The following CTNNA3 variants were observed in gnomAD, a reference collection of about 807,000 sequenced individuals.
CTNNA3 encodes the protein catenin alpha-3.
In CTNNA3, 76 loss-of-function variants were observed where a neutral mutation model predicts 95.7. That is an observed-to-expected ratio of 0.79 (90% CI 0.66 to 0.96). The LOEUF is 0.96. Among genes scored for constraint, CTNNA3 ranks in the 40% least tolerant of loss-of-function variants. CTNNA3 has a pLI of 0.00. For synonymous variants in CTNNA3, 431 were observed against 374.4 expected (o/e 1.15, Z -1.74); for missense variants, 1,191 against 1,089.8 (o/e 1.09, Z -1.31).
chr10:66,040,758 GA>G (rs2133492218), intron 15 of CTNNA3, among the ~76,000 whole-genome samples: 1 of 152,122 alleles, frequency 6.6e-6, no homozygotes, highest in Admixed American at 6.5e-5. Flanking sequence ...TGAGGACCAG[GA>G]AAAATAGTTA....
Position 66,978,552 on chromosome 10 carries a change from A to AAAATATATATATATAT in CTNNA3, c.1047+201764_1047+201765insATATATATATATATTT. Among the ~76,000 whole-genome samples the AAAATATATATATATAT allele has an allele frequency of 4.3e-3, 164 of 37,890 alleles. 3 individuals carry two copies. The highest frequency in any genetic ancestry group is 5.5e-3 in the Non-Finnish European group (113 of 20,636). 24.9% of individuals were successfully genotyped at this position (37,890 alleles called of 152,430 possible). ...AAAAAAAAAAAAAAAAAAAAAAAAA[A>AAAATATATATATATAT]ATATATATATATATATATAGTATGG... is the stretch of plus-strand genomic sequence containing the variant. On this transcript the variant is annotated intron_variant, in intron 7 of 17. Transcript: ENST00000433211.
intron 7 of CTNNA3, among the ~76,000 whole-genome samples, chr10:67,177,377 G>A (rs1415758106): frequency 1.3e-5 from 2 of 152,174 alleles, no homozygotes; most frequent in East Asian, 3.9e-4. Context: ...TTGCGGAACT[G>A]CTCTGGCTGG....
At chr10:66,865,050 A>G (rs1844111498) in intron 7 of CTNNA3, among the ~76,000 whole-genome samples, 1 of 152,142 alleles carries the variant, frequency 6.6e-6, no homozygotes, top group African/African-American at 2.4e-5. Context: ...GAGGGTCCCA[A>G]TTATGCAACT....
At chr10:67,179,494 C>CAAAAAA (rs35292826) in intron 7 of CTNNA3, among the ~76,000 whole-genome samples, 1 of 85,292 alleles carries the variant, frequency 1.2e-5, no homozygotes, top group Non-Finnish European at 2.7e-5. Context: ...GCTAAAACTT[C>CAAAAAA]AAAAAAAAAA....
intron 7 of CTNNA3, among the ~76,000 whole-genome samples, chr10:67,067,187 T>A (rs765547517): frequency 1.3e-5 from 2 of 152,156 alleles, no homozygotes; most frequent in Non-Finnish European, 2.9e-5. Flanking sequence ...TAGCAAACTA[T>A]ATGGAGAAAT....
At chr10:67,027,000 G>T (rs1853431692) in intron 7 of CTNNA3, among the ~76,000 whole-genome samples, 1 of 152,176 alleles carries the variant, frequency 6.6e-6, no homozygotes, top group South Asian at 2.1e-4. Flanking sequence ...AATAAATGAT[G>T]ATAAAACATC....
In CTNNA3 at chr10:67,761,999, C is replaced by T. The variant is rs539203176; in HGVS notation, c.-2+1435G>A. On this transcript the variant is annotated intron_variant, in intron 1 of 17. Transcript: ENST00000684154. Reference sequence around the variant, plus strand: ...ACAATGTTTTATGATATTATTGTCACGAATTAGGAACATATGAATTTTACT... The same window carrying T: ...ACAATGTTTTATGATATTATTGTCATGAATTAGGAACATATGAATTTTACT... Among the ~76,000 whole-genome samples, 9 of 151,942 alleles carry T rather than the reference C, an allele frequency of 5.9e-5. 1 individual carries two copies. The South Asian group carries it at 1.7e-3, about 28-fold the overall frequency.
chr10:66,532,961 C>G (rs1160800967), intron 10 of CTNNA3, among the ~76,000 whole-genome samples: 2 of 151,956 alleles, frequency 1.3e-5, no homozygotes, highest in African/African-American at 4.8e-5. Context: ...CTCCAAGATA[C>G]TATGTCCACT....
chr10:67,400,132 C>A (rs1844865609), intron 5 of CTNNA3, among the ~76,000 whole-genome samples: 1 of 143,514 alleles, frequency 7.0e-6, no homozygotes, highest in African/African-American at 2.6e-5. Context: ...CATGTGTTCT[C>A]ATTGTTCAAT....
At chr10:67,422,093 T>C (rs1845767121) in intron 5 of CTNNA3, among the ~76,000 whole-genome samples, 1 of 151,420 alleles carries the variant, frequency 6.6e-6, no homozygotes, top group Non-Finnish European at 1.5e-5. Flanking sequence ...CCACATTAAA[T>C]GAAACTAAGG....
intron 13 of CTNNA3, among the ~76,000 whole-genome samples, chr10:66,112,195 A>C (rs2082145935): frequency 6.6e-6 from 1 of 152,170 alleles, no homozygotes; most frequent in Non-Finnish European, 1.5e-5. Flanking sequence ...TAGCCACCAG[A>C]GGGAGAAGGC....
chr10:67,373,304 A>G (rs545658854), intron 5 of CTNNA3, among the ~76,000 whole-genome samples: 2 of 152,340 alleles, frequency 1.3e-5, no homozygotes, highest in East Asian at 3.9e-4. Flanking sequence ...GGAAAACAAA[A>G]AAAAGGCAGG....
At chr10:67,542,180 C>G (rs1477042383) in intron 3 of CTNNA3, among the ~76,000 whole-genome samples, 1 of 152,066 alleles carries the variant, frequency 6.6e-6, no homozygotes, top group Admixed American at 6.6e-5. Flanking sequence ...TCCCTAATTT[C>G]CCCAATATTC....
intron 12 of CTNNA3, among the ~76,000 whole-genome samples, chr10:66,296,809 C>T (rs2091786327): frequency 6.6e-6 from 1 of 152,030 alleles, no homozygotes; most frequent in South Asian, 2.1e-4. Context: ...AACACATCCA[C>T]AAGGCTTTGA....
At position 66,615,945 on chromosome 10, in the gene CTNNA3, T is replaced by G. The variant is rs190690665; in HGVS notation, c.1374+5747A>C. Among the ~76,000 whole-genome samples, 274 of 152,156 alleles carry G rather than the reference T, an allele frequency of 1.8e-3. 1 individual carries two copies. The highest frequency in any genetic ancestry group is 6.1e-3 in the African/African-American group (254 of 41,560). On this transcript the variant is annotated intron_variant, in intron 10 of 17. Coordinates refer to ENST00000433211, the MANE Select transcript of CTNNA3 (RefSeq NM_013266.4). ...TTCAAACATTAGACCATTCTACCTT[T>G]CTCAGTTTTGTGCCTTACACAAATA...
intron 7 of CTNNA3, among the ~76,000 whole-genome samples, chr10:66,803,447 C>A (rs1189398770): frequency 6.6e-6 from 1 of 151,956 alleles, no homozygotes; most frequent in Non-Finnish European, 1.5e-5. Context: ...TAATACCTCC[C>A]ACCTCTGTTC....
chr10:66,492,380 C>T (rs1230617180), intron 11 of CTNNA3, among the ~76,000 whole-genome samples: 4 of 152,036 alleles, frequency 2.6e-5, no homozygotes, highest in Admixed American at 2.0e-4. Context: ...AACTCCTGGG[C>T]TCAAGCAATT....
At chr10:66,850,944 G>T (rs1843461423) in intron 7 of CTNNA3, among the ~76,000 whole-genome samples, 1 of 151,936 alleles carries the variant, frequency 6.6e-6, no homozygotes, top group African/African-American at 2.4e-5. Context: ...ACTTTCTAAG[G>T]CCATTTCAGG....
At chr10:66,462,445 A>G (rs1009336856) in intron 11 of CTNNA3, among the ~76,000 whole-genome samples, 1 of 152,082 alleles carries the variant, frequency 6.6e-6, no homozygotes, top group Non-Finnish European at 1.5e-5. Flanking sequence ...TCCCACAAGT[A>G]ATATCATTAT....
Sources: gnomAD v4.1 joint callset for allele counts (sites outside exome capture counted in the v4.1 genomes callset) on GRCh38, gnomAD v4.1.1 for gene constraint, MANE v1.5 for transcripts, NCBI Gene and HGNC (gene_info 2026-07-23, HGNC 2026-07-21) for gene names.